The following TMPRSS7 variants were observed in gnomAD, a reference collection of about 807,000 sequenced individuals.
TMPRSS7 encodes the protein transmembrane protease serine 7.
A neutral mutation model predicts 95.6 loss-of-function variants in TMPRSS7; 81 were observed. The ratio of observed to expected loss-of-function variants is 0.85; its 90% CI spans 0.71 to 1.02. TMPRSS7 has a LOEUF of 1.02. TMPRSS7 is among the 50% of genes least tolerant of loss of function. The probability of loss-of-function intolerance (pLI) is 0.00; values close to 1 mark genes in which losing one functional copy is unlikely to be tolerated. For missense variants in TMPRSS7, 945 were observed against 955.2 expected, an observed-to-expected ratio of 0.99 and a Z score of 0.14; for synonymous variants, 364 against 337.8, an observed-to-expected ratio of 1.08 and a Z score of -0.85.
At chr3:112,065,324 G>A (rs1455094856) in intron 12 of TMPRSS7, among the ~76,000 whole-genome samples, 1 of 152,130 alleles carries the variant, frequency 6.6e-6, no homozygotes, top group East Asian at 1.9e-4. Context: ...TTACAGGCAC[G>A]AGCCACCATG....
intron 8 of TMPRSS7, among the ~76,000 whole-genome samples, chr3:112,050,202 A>G (rs2073328144): frequency 6.6e-6 from 1 of 152,240 alleles, no homozygotes; most frequent in South Asian, 2.1e-4. Flanking sequence ...AAAGGCAAAA[A>G]GGACAAGAAG....
At chr3:112,068,006 T>A (rs956869117) in intron 13 of TMPRSS7, among the ~76,000 whole-genome samples, 2 of 152,244 alleles carry the variant, frequency 1.3e-5, no homozygotes, top group African/African-American at 4.8e-5. Context: ...TTAATTTTTG[T>A]ATAAGGTGTA....
At chr3:112,043,111 C>T (rs1014119749) in intron 3 of TMPRSS7, 77 of 455,896 alleles carry the variant, frequency 1.7e-4, no homozygotes, top group African/African-American at 8.8e-4. Flanking sequence ...AGTCCTGTGT[C>T]GCTTAACAAT....
chr3:112,056,977 A>G (rs1183447658), intron 9 of TMPRSS7, 48 bp from the exon 10 acceptor site: 14 of 1,330,974 alleles, frequency 1.1e-5, no homozygotes, highest in East Asian at 4.6e-5. Flanking sequence ...AAGTAAATAC[A>G]TACTTTGATT....
At chr3:112,062,230 T>C (rs1166612121) in intron 11 of TMPRSS7, among the ~76,000 whole-genome samples, 2 of 152,226 alleles carry the variant, frequency 1.3e-5, no homozygotes, top group Non-Finnish European at 2.9e-5. Flanking sequence ...ATGTATTGGT[T>C]TGTAGTTCTT....
At chr3:112,080,554 T>TACTACTACTACTACTACTACCACC (rs1559966213) in intron 17 of TMPRSS7, among the ~76,000 whole-genome samples, 101 of 75,988 alleles carry the variant, frequency 1.3e-3, no homozygotes, top group African/African-American at 4.0e-3. Flanking sequence ...CTACCACCAC[T>TACTACTACTACTACTACTACCACC]ACTACTACTA....
At chr3:112,049,686 G>T (rs2073321733) in intron 7 of TMPRSS7, among the ~76,000 whole-genome samples, 158 bp from the exon 8 acceptor site, 1 of 152,188 alleles carries the variant, frequency 6.6e-6, no homozygotes, top group Non-Finnish European at 1.5e-5. Context: ...GTGCTCTGTG[G>T]CTACTAATGG....
chr3:112,076,977 A>G (rs767097490), exon 16 of TMPRSS7: 17 of 1,614,068 alleles, frequency 1.1e-5, no homozygotes, highest in East Asian at 6.7e-5. Context: ...CACGAGTACT[A>G]TAACAGTCAG....
chr3:112,043,109 G>A, intron 3 of TMPRSS7: 1 of 455,964 alleles, frequency 2.2e-6, no homozygotes, highest in Non-Finnish European at 4.4e-6. Context: ...ACAGTCCTGT[G>A]TCGCTTAACA....
At chr3:112,073,984 G>A (rs1298609905) in intron 13 of TMPRSS7, among the ~76,000 whole-genome samples, 2 of 152,206 alleles carry the variant, frequency 1.3e-5, no homozygotes, top group Non-Finnish European at 2.9e-5. Context: ...GAAGGTAATA[G>A]CAAAGAGGCT....
At chr3:112,051,526 TCTA>T (rs2073349487) in intron 9 of TMPRSS7, among the ~76,000 whole-genome samples, 1 of 133,554 alleles carries the variant, frequency 7.5e-6, no homozygotes, top group Non-Finnish European at 1.6e-5. Context: ...TATCTATCTA[TCTA>T]TCTATCTATC....
chr3:112,047,672 T>C, intron 6 of TMPRSS7, 67 bp from the exon 7 acceptor site: 1 of 1,242,420 alleles, frequency 8.0e-7, no homozygotes, highest in Non-Finnish European at 1.1e-6. Flanking sequence ...TCTATAAAGA[T>C]TTCTGTTTTT....
chr3:112,051,515 ATATCTATCTATC>A (rs10546401), intron 9 of TMPRSS7, among the ~76,000 whole-genome samples: 6,974 of 145,478 alleles, frequency 0.048, 188 homozygotes, highest in Middle Eastern at 0.12. Flanking sequence ...TGTATACGAA[ATATCTATCTATC>A]TATCTATCTA....
At position 112,071,628 on chromosome 3, in the gene TMPRSS7, G is replaced by T. The variant is rs570856020; in HGVS notation, c.1667-2668G>T. Among the ~76,000 whole-genome samples the T allele has an allele frequency of 2.6e-5, 4 of 152,084 alleles. No homozygotes were observed. The South Asian group carries it at 8.3e-4, about 32-fold the overall frequency. On this transcript the variant is annotated intron_variant, in intron 13 of 17. Transcript: ENST00000452346. ...CCTTTCACATAGTCGCATATTTCTT[G>T]GAGACCTTGTTCATTTCTTTTTACT...
chr3:112,071,799 G>A (rs2073650496), intron 13 of TMPRSS7, among the ~76,000 whole-genome samples: 1 of 152,118 alleles, frequency 6.6e-6, no homozygotes, highest in African/African-American at 2.4e-5. Flanking sequence ...AGCTCCATCA[G>A]GTCATTTAAG....
At position 112,044,127 on chromosome 3, in the gene TMPRSS7, A is replaced by G. The variant is rs560083548; in HGVS notation, c.430-128A>G. On this transcript the variant is annotated intron_variant, in intron 3 of 17. Transcript: ENST00000452346. ...AGAAATAATGCCGGGGTGTGGAGTT[A>G]GGAGCCTTTATTTTGAGGCTTGCAT... 4.7e-6 allele frequency: 3 copies of G among 633,524 alleles called. No individual in the cohort carries two copies. The Admixed American group carries it at 7.4e-5, about 16-fold the overall frequency. 39.2% of individuals were successfully genotyped at this position (633,524 alleles called of 1,614,324 possible).
chr3:112,054,202 G>A (rs2073401867), intron 9 of TMPRSS7, among the ~76,000 whole-genome samples: 1 of 152,168 alleles, frequency 6.6e-6, no homozygotes, highest in African/African-American at 2.4e-5. Context: ...TTAGGGGTGG[G>A]CTGAAAGATG....
chr3:112,066,985 T>G (rs1202879784), intron 13 of TMPRSS7, among the ~76,000 whole-genome samples: 2 of 152,092 alleles, frequency 1.3e-5, no homozygotes, highest in Non-Finnish European at 2.9e-5. Flanking sequence ...CCCAAGGCCC[T>G]TACCCCCTGA....
At chr3:112,043,837 A>T (rs1446479525) in intron 3 of TMPRSS7, among the ~76,000 whole-genome samples, 1 of 152,216 alleles carries the variant, frequency 6.6e-6, no homozygotes, top group Non-Finnish European at 1.5e-5. Context: ...CCTAGTGGCT[A>T]ATGTGAGAAT....
Sources: gnomAD v4.1 joint callset for allele counts (sites outside exome capture counted in the v4.1 genomes callset) on GRCh38, gnomAD v4.1.1 for gene constraint, MANE v1.5 for transcripts, NCBI Gene and HGNC (gene_info 2026-07-23, HGNC 2026-07-21) for gene names.